The following AACS variants were observed in gnomAD, a reference collection of about 807,000 sequenced individuals.
AACS encodes acetoacetyl-CoA synthetase.
A neutral mutation model predicts 83.1 loss-of-function variants in AACS; 69 were observed. The observed-to-expected ratio is 0.83, with a 90% CI of 0.68 to 1.01. The LOEUF (loss-of-function observed/expected upper bound fraction) is 1.01, where lower values mean the gene tolerates loss of function less well. AACS is among the 50% of genes least tolerant of loss of function. The pLI, the probability that AACS is intolerant of heterozygous loss-of-function variation, is 0.00. For synonymous variants in AACS, 333 were observed against 343.4 expected (o/e 0.97, Z 0.33); for missense variants, 866 against 882.2 (o/e 0.98, Z 0.23).
chr12:125,142,343 T>C lies in AACS; in HGVS notation c.*114T>C. 1 of 1,422,612 alleles carries C rather than the reference T, an allele frequency of 7.0e-7. No homozygotes were observed. Among genetic ancestry groups the C allele is most frequent in the Admixed American group, 2.3e-5 (1 of 42,916 alleles). 88.1% of individuals were successfully genotyped at this position (1,422,612 alleles called of 1,614,324 possible). A position where few individuals can be genotyped will look rare whatever the true frequency, so the allele number is the denominator to read the frequency against. ...TGTAAAAGGATGCTCGCACCAAGTGTTCTGTAGGCTTGGGGAGGGATCGTT... is the reference window on the plus strand; with the variant it reads ...TGTAAAAGGATGCTCGCACCAAGTGCTCTGTAGGCTTGGGGAGGGATCGTT... On this transcript the variant is annotated 3_prime_UTR_variant, in exon 18 of 18. Transcript: ENST00000316519.
Position 125,132,689 on chromosome 12 carries a change from G to C in AACS, c.1550-1314G>C, listed in dbSNP as rs917380224. Among the ~76,000 whole-genome samples the C allele has an allele frequency of 3.1e-4, 47 of 152,148 alleles. 1 individual carries two copies. The highest frequency in any genetic ancestry group is 1.1e-3 in the African/African-American group (47 of 41,416). ...GGGAGGAAAGACCTGAAGACCTGCA[G>C]TTCTCTTTTTTTGCATTGGAATAAG... On this transcript the variant is annotated intron_variant, in intron 14 of 17. Coordinates refer to ENST00000316519, the MANE Select transcript of AACS (RefSeq NM_023928.5).
chr12:125,070,670 CTGTA>C, intron 1 of AACS, among the ~76,000 whole-genome samples: 1 of 152,300 alleles, frequency 6.6e-6, no homozygotes, highest in South Asian at 2.1e-4. Context: ...TGAGCTCTCT[CTGTA>C]TGTCGGGCTC....
Position 125,076,583 on chromosome 12 carries a change from GAA to G in AACS, c.331_332del (p.Asn111Ter). 1 of 1,614,154 alleles carries G rather than the reference GAA, an allele frequency of 6.2e-7. No homozygotes were observed. The highest frequency in any genetic ancestry group is 8.5e-7 in the Non-Finnish European group (1 of 1,180,016). ...CAGAAAACCTCCTGCGGCACAAAGA[GAA>G]TGACAGAGTTGCCCTTTACATTGCA... ...YAENLLRHKENDRVALYIARE... is the reference protein window; with the variant it reads ...YAENLLRHKEXDRVALYIARE... On this transcript the variant is annotated frameshift_variant, in exon 3 of 18. Transcript: ENST00000316519. LOFTEE classifies it high-confidence loss of function.
rs555264555 is a variant in AACS at position 125,074,346 on chromosome 12, G to A, written c.237+367G>A. Among the ~76,000 whole-genome samples the A allele has an allele frequency of 3.3e-5, 5 of 152,174 alleles. 1 individual carries two copies. In the South Asian group the frequency reaches 1.0e-3, roughly 32 times the overall value. On this transcript the variant is annotated intron_variant, in intron 2 of 17. Coordinates refer to ENST00000316519, the MANE Select transcript of AACS (RefSeq NM_023928.5). ...ATGGGAGGATCCCTTGAGCTCAGGA[G>A]TTTGAGTGCAGGCTAGGCAACATAG... is the stretch of plus-strand genomic sequence containing the variant.
chr12:125,111,044 G>A (rs565024500), intron 8 of AACS, among the ~76,000 whole-genome samples: 9 of 152,010 alleles, frequency 5.9e-5, no homozygotes, highest in African/African-American at 2.2e-4. Flanking sequence ...GGGTGGGAGC[G>A]AGGGGCTGAG....
intron 2 of AACS, among the ~76,000 whole-genome samples, chr12:125,076,155 G>T (rs1956014787): frequency 6.6e-6 from 1 of 152,200 alleles, no homozygotes; most frequent in Admixed American, 6.5e-5. Flanking sequence ...TTGCTCTCCT[G>T]GTTTCCATGC....
intron 8 of AACS, among the ~76,000 whole-genome samples, chr12:125,108,568 A>G (rs965386587): frequency 2.0e-5 from 3 of 152,146 alleles, no homozygotes; most frequent in Non-Finnish European, 4.4e-5. Flanking sequence ...TTCTTATTTC[A>G]CCGAAAGTCT....
At chr12:125,087,289 G>A (rs1282619107) in intron 4 of AACS, among the ~76,000 whole-genome samples, 5 of 152,200 alleles carry the variant, frequency 3.3e-5, no homozygotes, top group Admixed American at 6.5e-5. Flanking sequence ...ACTCTGGGCC[G>A]GGGCTCTCCT....
At chr12:125,111,458 A>G (rs1206063039) in intron 8 of AACS, among the ~76,000 whole-genome samples, 2 of 152,258 alleles carry the variant, frequency 1.3e-5, no homozygotes, top group Non-Finnish European at 2.9e-5. Context: ...TAGCTTGCTC[A>G]TAAAATGATC....
chr12:125,125,769 A>AT (rs1306166114), intron 12 of AACS: 1 of 152,100 alleles, frequency 6.6e-6, no homozygotes, highest in Admixed American at 6.6e-5. Flanking sequence ...TTATGCAGCC[A>AT]TTAGAAGTGC....
chr12:125,088,318 G>A (rs1236060485), intron 4 of AACS, among the ~76,000 whole-genome samples: 1 of 149,672 alleles, frequency 6.7e-6, no homozygotes, highest in East Asian at 2.0e-4. Context: ...CTGCAGCCTC[G>A]AACTCCTGGG....
chr12:125,091,662 T>C lies in AACS; in HGVS notation c.570+139T>C, dbSNP rs957787123. 8.6e-6 allele frequency: 7 copies of C among 817,100 alleles called. No homozygotes were observed. The African/African-American group carries it at 1.2e-4, about 14-fold the overall frequency. 50.6% of individuals were successfully genotyped at this position (817,100 alleles called of 1,614,324 possible). ...GGAGGTGGCGTTGCAGCTGCCTCTA[T>C]GGGGAAAGAAGCCAGAAGGACTTGC... On this transcript the variant is annotated intron_variant, in intron 5 of 17. Coordinates refer to ENST00000316519, the MANE Select transcript of AACS (RefSeq NM_023928.5).
chr12:125,136,947 C>T, intron 17 of AACS, 83 bp downstream of exon 17: 4 of 1,403,048 alleles, frequency 2.9e-6, no homozygotes, highest in Non-Finnish European at 3.9e-6. Flanking sequence ...ATCTGAGCAG[C>T]TTGCCGGTGC....
rs1956479768 is a variant in AACS at position 125,091,300 on chromosome 12, G to A, written c.473-126G>A. On this transcript the variant is annotated intron_variant, in intron 4 of 17. Coordinates refer to ENST00000316519, the MANE Select transcript of AACS (RefSeq NM_023928.5). ...CATCTGGGCGGGGGCTGGTGGTCAGGATCCTCAGGCAGTTCAAGGCCAGCC... is the reference window on the plus strand; with the variant it reads ...CATCTGGGCGGGGGCTGGTGGTCAGAATCCTCAGGCAGTTCAAGGCCAGCC... 28 of 878,262 alleles carry A rather than the reference G, an allele frequency of 3.2e-5. No homozygotes were observed. The East Asian group carries it at 7.2e-4, about 23-fold the overall frequency. 54.4% of individuals were successfully genotyped at this position (878,262 alleles called of 1,614,324 possible).
rs1671798935 is a variant in AACS, at chr12:125,107,268, G to C, written c.915G>C (p.Gly305=). The change falls in exon 8 of 18, where the codon GGG becomes GGC. Residue 305 remains glycine (G), a splice_region_variant and synonymous_variant. Transcript: ENST00000316519. ...CCAAGTGCATGGTGCATTCCGCTGG[G>C]GTAGGTCTCTGGGGAAGGCTCTGCA... ...GAPKCMVHSA[G]GTLIQHLKEH... The C allele has an allele frequency of 1.9e-6, 3 of 1,613,258 alleles. No homozygotes were observed. The highest frequency in any genetic ancestry group is 2.5e-6 in the Non-Finnish European group (3 of 1,179,800).
At chr12:125,125,437 C>T (rs974671253) in intron 12 of AACS, among the ~76,000 whole-genome samples, 6 of 152,178 alleles carry the variant, frequency 3.9e-5, no homozygotes, top group Admixed American at 2.6e-4. Context: ...CCCCACCCTG[C>T]CCTGGGCTCC....
chr12:125,069,021 T>C (rs1393614846), intron 1 of AACS, among the ~76,000 whole-genome samples: 2 of 152,068 alleles, frequency 1.3e-5, no homozygotes, highest in Admixed American at 1.3e-4. Context: ...TTTGTATTTT[T>C]AGTAGACACG....
intron 3 of AACS, among the ~76,000 whole-genome samples, chr12:125,082,230 G>A (rs1956208886): frequency 1.3e-5 from 2 of 150,486 alleles, no homozygotes; most frequent in Admixed American, 1.3e-4. Context: ...GGAGTGCAGT[G>A]GTGCAGTCAC....
chr12:125,069,547 A>G (rs1282134533), intron 1 of AACS, among the ~76,000 whole-genome samples: 1 of 152,230 alleles, frequency 6.6e-6, no homozygotes, highest in African/African-American at 2.4e-5. Context: ...CCTCTGATGC[A>G]GACTTCCTTG....
Sources: gnomAD v4.1 joint callset for allele counts (sites outside exome capture counted in the v4.1 genomes callset) on GRCh38, gnomAD v4.1.1 for gene constraint, MANE v1.5 for transcripts, NCBI Gene and HGNC (gene_info 2026-07-23, HGNC 2026-07-21) for gene names.